TMEM131L: variants seen among roughly 807,000 people sequenced by gnomAD.
TMEM131L encodes the protein transmembrane 131 like, also known as transmembrane protein 131-like.
A neutral mutation model predicts 192.2 loss-of-function variants in TMEM131L; 54 were observed. The ratio of observed to expected loss-of-function variants is 0.28; its 90% CI spans 0.23 to 0.35. The LOEUF is 0.35. Ranked by LOEUF, TMEM131L falls within the 10% of genes least tolerant of loss-of-function variation. The probability of loss-of-function intolerance (pLI) is 1.00; values close to 1 mark genes in which losing one functional copy is unlikely to be tolerated. For synonymous variants in TMEM131L, 701 were observed against 704.9 expected, an observed-to-expected ratio of 0.99 and a Z score of 0.09; for missense variants, 1,888 against 1,972.9, an observed-to-expected ratio of 0.96 and a Z score of 0.82.
At chr4:153,536,541 A>G (rs2150292266) in intron 3 of TMEM131L, among the ~76,000 whole-genome samples, 1 of 151,870 alleles carries the variant, frequency 6.6e-6, no homozygotes, top group South Asian at 2.1e-4. Context: ...AACCTCTAAT[A>G]AAAGAAATCC....
rs375528083 is a variant in TMEM131L, at chr4:153,499,478, G to A, written c.239+25590G>A. The stretch of plus-strand genomic sequence containing the variant: ...CGTCTCGCTCTGTTGCCAGGCTGGA[G>A]TGCAGTGGCACAATCTCAGCTCACT... On this transcript the variant is annotated intron_variant, in intron 3 of 34. Coordinates refer to ENST00000409959, the MANE Select transcript of TMEM131L (RefSeq NM_001131007.2). 7.3e-5 allele frequency among the ~76,000 whole-genome samples: 11 copies of A among 150,734 alleles called. No individual in the cohort carries two copies. In the East Asian group the frequency reaches 2.1e-3, roughly 29 times the overall value.
intron 11 of TMEM131L, among the ~76,000 whole-genome samples, chr4:153,583,928 A>G (rs755457003): frequency 3.3e-5 from 5 of 152,254 alleles, no homozygotes; most frequent in Non-Finnish European, 5.9e-5. Flanking sequence ...TAGGAAGGAA[A>G]GCACTGTTAG....
At chr4:153,498,837 G>T (rs144207126) in intron 3 of TMEM131L, among the ~76,000 whole-genome samples, 47 of 152,274 alleles carry the variant, frequency 3.1e-4, no homozygotes, top group Admixed American at 6.5e-4. Context: ...GCAGAGGAGA[G>T]TCTGTTCCAG....
intron 2 of TMEM131L, 104 bp from the exon 3 acceptor site, chr4:153,473,741 G>A (rs766701926): frequency 2.9e-4 from 252 of 883,606 alleles, no homozygotes; most frequent in Non-Finnish European, 4.1e-4. Context: ...GCAGTGAGCC[G>A]AGACCCTGCC....
At chr4:153,559,641 C>T (rs1296672431) in intron 7 of TMEM131L, among the ~76,000 whole-genome samples, 1 of 152,142 alleles carries the variant, frequency 6.6e-6, no homozygotes, top group African/African-American at 2.4e-5. Flanking sequence ...GCGTACTTCT[C>T]ATGATGCCCA....
At chr4:153,626,630 G>A (rs944520439) in intron 30 of TMEM131L, among the ~76,000 whole-genome samples, 36 of 152,256 alleles carry the variant, frequency 2.4e-4, no homozygotes, top group South Asian at 1.5e-3. Flanking sequence ...TAGGCGTAGC[G>A]GCGCATGCCT....
chr4:153,591,235 C>T lies in TMEM131L; in HGVS notation c.1812+41C>T, dbSNP rs753239011. On this transcript the variant is annotated intron_variant, in intron 17 of 34. Coordinates refer to ENST00000409959, the MANE Select transcript of TMEM131L (RefSeq NM_001131007.2). Reference sequence around the variant, plus strand: ...CTTTTCATTTCTTTGTCAGTGACTCCCCAGTGCTTGGGTTTTCAAAGTACC... The same window carrying T: ...CTTTTCATTTCTTTGTCAGTGACTCTCCAGTGCTTGGGTTTTCAAAGTACC... The T allele has an allele frequency of 3.3e-6, 5 of 1,527,436 alleles. No individual in the cohort carries two copies. The African/African-American group carries it at 4.2e-5, about 13-fold the overall frequency. The allele number at this position is 1,527,436 out of a possible 1,614,324, so 94.6% of individuals were successfully genotyped here. A position where few individuals can be genotyped will look rare whatever the true frequency, so the allele number is the denominator to read the frequency against.
intron 6 of TMEM131L, 110 bp downstream of exon 6, chr4:153,557,192 G>A (rs1039630493): frequency 1.8e-5 from 12 of 659,640 alleles, no homozygotes; most frequent in South Asian, 6.9e-5. Flanking sequence ...GGTTTATGTC[G>A]TTAAAATACA....
chr4:153,635,064 C>T (rs1038345068), intron 33 of TMEM131L, among the ~76,000 whole-genome samples: 1 of 152,020 alleles, frequency 6.6e-6, no homozygotes, highest in Non-Finnish European at 1.5e-5. Flanking sequence ...ATGTGTAGGT[C>T]GCTGAGGTTG....
At chr4:153,590,290 T>G (rs1037420878) in intron 16 of TMEM131L, among the ~76,000 whole-genome samples, 1 of 152,252 alleles carries the variant, frequency 6.6e-6, no homozygotes, top group African/African-American at 2.4e-5. Context: ...TTCTGATTGT[T>G]TCCTCAAGTT....
At chr4:153,591,996 G>T (rs1209835142) in intron 17 of TMEM131L, among the ~76,000 whole-genome samples, 2 of 152,078 alleles carry the variant, frequency 1.3e-5, no homozygotes, top group African/African-American at 2.4e-5. Flanking sequence ...CAGACGTTAC[G>T]CCCTCTTACC....
At chr4:153,498,542 T>G (rs1338288023) in intron 3 of TMEM131L, among the ~76,000 whole-genome samples, 2 of 152,060 alleles carry the variant, frequency 1.3e-5, no homozygotes, top group African/African-American at 4.8e-5. Context: ...TGTGGGTGTG[T>G]GTGTATTTTT....
intron 3 of TMEM131L, among the ~76,000 whole-genome samples, chr4:153,488,959 G>A (rs1000963445): frequency 1.3e-5 from 2 of 152,142 alleles, no homozygotes; most frequent in Non-Finnish European, 2.9e-5. Flanking sequence ...GTCGTATAAG[G>A]ACACCAGTTA....
At chr4:153,551,366 T>A (rs936477429) in intron 4 of TMEM131L, among the ~76,000 whole-genome samples, 1 of 152,056 alleles carries the variant, frequency 6.6e-6, no homozygotes. Flanking sequence ...GGAATTTTTT[T>A]TTTTTTTTTG....
At position 153,627,600 on chromosome 4, in the gene TMEM131L, C is replaced by T. The variant is rs1377497667; in HGVS notation, c.4125-5C>T. 1 of 1,613,352 alleles carries T rather than the reference C, an allele frequency of 6.2e-7. No homozygotes were observed. The highest frequency in any genetic ancestry group is 1.1e-5 in the South Asian group (1 of 91,038). The stretch of plus-strand genomic sequence containing the variant: ...GTCGTTCCTCCTTTGCCCTCTTCCC[C>T]ACAGGACCGTGAATAGTCTCCCACA... On this transcript the variant is annotated splice_polypyrimidine_tract_variant and splice_region_variant and intron_variant, in intron 30 of 34. Coordinates refer to ENST00000409959, the MANE Select transcript of TMEM131L (RefSeq NM_001131007.2).
chr4:153,523,095 T>TA (rs903121397), intron 3 of TMEM131L, among the ~76,000 whole-genome samples: 11 of 152,066 alleles, frequency 7.2e-5, no homozygotes, highest in Admixed American at 3.3e-4. Flanking sequence ...TCTTAGTTCT[T>TA]AAAAAAAATA....
chr4:153,579,644 G>A (rs1028731649), intron 7 of TMEM131L, among the ~76,000 whole-genome samples: 1 of 152,016 alleles, frequency 6.6e-6, no homozygotes, highest in African/African-American at 2.4e-5. Flanking sequence ...GCTAATTCTG[G>A]TATTTTTTCT....
intron 3 of TMEM131L, among the ~76,000 whole-genome samples, chr4:153,532,559 A>G (rs1735982019): frequency 6.6e-6 from 1 of 152,108 alleles, no homozygotes; most frequent in Admixed American, 6.5e-5. Context: ...AACCAGCAGC[A>G]CACTCTAATT....
chr4:153,519,725 A>AG (rs1734975517), intron 3 of TMEM131L, among the ~76,000 whole-genome samples: 1 of 152,228 alleles, frequency 6.6e-6, no homozygotes, highest in Non-Finnish European at 1.5e-5. Flanking sequence ...CACAGGCTTG[A>AG]GGGTCAAGCT....
Sources: allele counts gnomAD v4.1 joint callset (sites outside exome capture counted in the v4.1 genomes callset), GRCh38; gene constraint gnomAD v4.1.1; transcripts MANE v1.5; gene names NCBI Gene and HGNC (gene_info 2026-07-23, HGNC 2026-07-21).